The following DNAAF4 variants were observed in gnomAD, a reference collection of about 807,000 sequenced individuals.
DNAAF4 encodes dynein axonemal assembly factor 4.
In DNAAF4, 43 loss-of-function variants were observed where a neutral mutation model predicts 51.8. The observed-to-expected ratio is 0.83, with a 90% CI of 0.65 to 1.07. DNAAF4 has a LOEUF of 1.07. DNAAF4 is among the 50% of genes least tolerant of loss of function. DNAAF4 has a pLI of 0.00. For synonymous variants in DNAAF4, 194 were observed against 165.6 expected, an observed-to-expected ratio of 1.17 and a Z score of -1.32; for missense variants, 581 against 493.0, an observed-to-expected ratio of 1.18 and a Z score of -1.69.
intron 7 of DNAAF4, among the ~76,000 whole-genome samples, chr15:55,421,018 G>T (rs963699143): frequency 6.6e-6 from 1 of 151,578 alleles, no homozygotes; most frequent in South Asian, 2.1e-4. Context: ...ACAAAACCCC[G>T]TCTCTACTAA....
At chr15:55,477,282 T>C (rs577711746) in intron 4 of DNAAF4, among the ~76,000 whole-genome samples, 1 of 152,328 alleles carries the variant, frequency 6.6e-6, no homozygotes, top group South Asian at 2.1e-4. Flanking sequence ...TGTATGTTAG[T>C]TATATTTTAC....
At chr15:55,448,883 AATTATT>A (rs948737170) in intron 6 of DNAAF4, among the ~76,000 whole-genome samples, 11 of 151,132 alleles carry the variant, frequency 7.3e-5, no homozygotes, top group Admixed American at 6.0e-4. Flanking sequence ...AAATAATAAT[AATTATT>A]ATTATTATTA....
intron 4 of DNAAF4, among the ~76,000 whole-genome samples, chr15:55,473,502 C>T (rs1393557329): frequency 6.8e-6 from 1 of 148,046 alleles, no homozygotes; most frequent in Admixed American, 6.8e-5. Flanking sequence ...GTAACTTAAC[C>T]TAGGAAAATA....
intron 4 of DNAAF4, among the ~76,000 whole-genome samples, chr15:55,481,091 G>A (rs999049690): frequency 2.6e-5 from 4 of 152,186 alleles, no homozygotes; most frequent in Non-Finnish European, 4.4e-5. Context: ...AGTTTCCTGA[G>A]GCCTCCTTAG....
chr15:55,447,333 G>A (rs958391266), intron 6 of DNAAF4, among the ~76,000 whole-genome samples: 3 of 151,852 alleles, frequency 2.0e-5, no homozygotes, highest in Non-Finnish European at 4.4e-5. Context: ...CCCAGACGAT[G>A]GGCGGCCAGG....
Position 55,433,173 on chromosome 15 carries a change from A to T in DNAAF4, c.1048-571T>A, listed in dbSNP as rs1294166544. Among the ~76,000 whole-genome samples the T allele has an allele frequency of 2.6e-5, 4 of 152,146 alleles. No individual in the cohort carries two copies. In the East Asian group the frequency reaches 7.7e-4, roughly 29 times the overall value. ...AAACTAGCCAGATGTGGTAGCGGGC[A>T]CCTGTAATCCCAGCTACTCAGGAGG... On this transcript the variant is annotated intron_variant, in intron 8 of 9. Transcript: ENST00000321149.
intron 4 of DNAAF4, among the ~76,000 whole-genome samples, chr15:55,481,013 A>G (rs1323864368): frequency 6.6e-6 from 1 of 152,072 alleles, no homozygotes; most frequent in Non-Finnish European, 1.5e-5. Context: ...GTTTTATGGC[A>G]TTTCTCCTGC....
chr15:55,446,301 G>GT lies in DNAAF4; in HGVS notation c.783+3920_783+3921insA, dbSNP rs1555415283. Reference sequence around the variant, plus strand: ...GGCGCTCCTCACATCCCAGACGGGGGGGGGGGGCAGCTGGGCAGAGGCACT... The same window carrying GT: ...GGCGCTCCTCACATCCCAGACGGGGGTGGGGGGGCAGCTGGGCAGAGGCACT... On this transcript the variant is annotated intron_variant, in intron 6 of 9. Coordinates refer to ENST00000321149, the MANE Select transcript of DNAAF4 (RefSeq NM_130810.4). Among the ~76,000 whole-genome samples the GT allele has an allele frequency of 9.0e-5, 6 of 66,886 alleles. 1 individual carries two copies. Among genetic ancestry groups the GT allele is most frequent in the Admixed American group, 4.7e-4 (3 of 6,336 alleles). The allele number at this position is 66,886 out of a possible 152,430, so 43.9% of individuals were successfully genotyped here.
chr15:55,444,613 T>C (rs973220900), intron 6 of DNAAF4, among the ~76,000 whole-genome samples: 1 of 152,200 alleles, frequency 6.6e-6, no homozygotes, highest in Non-Finnish European at 1.5e-5. Context: ...GGGGATGGCA[T>C]TGAATCTATA....
At chr15:55,432,170 C>T (rs191534016) in intron 9 of DNAAF4, among the ~76,000 whole-genome samples, 4 of 151,868 alleles carry the variant, frequency 2.6e-5, no homozygotes, top group African/African-American at 4.8e-5. Context: ...AGGCTGGTCT[C>T]GAACTCCCGA....
At chr15:55,451,498 A>G (rs552905004) in intron 5 of DNAAF4, among the ~76,000 whole-genome samples, 2 of 152,368 alleles carry the variant, frequency 1.3e-5, no homozygotes, top group South Asian at 4.1e-4. Flanking sequence ...ACTCAAATAA[A>G]TGTTCCAGAA....
downstream of DNAAF4, among the ~76,000 whole-genome samples, chr15:55,429,544 C>T (rs558130944): frequency 2.1e-5 from 3 of 140,970 alleles, no homozygotes; most frequent in South Asian, 4.5e-4. Context: ...AAAGGCTGGG[C>T]GCGGTGGCTC....
At chr15:55,506,700 G>T (rs1056551473) in intron 1 of DNAAF4, among the ~76,000 whole-genome samples, 1 of 152,016 alleles carries the variant, frequency 6.6e-6, no homozygotes, top group East Asian at 1.9e-4. Flanking sequence ...TAAGCCAAAT[G>T]TCTTTCAACA....
At chr15:55,453,209 A>G (rs1340419790) in intron 5 of DNAAF4, among the ~76,000 whole-genome samples, 2 of 152,194 alleles carry the variant, frequency 1.3e-5, no homozygotes, top group African/African-American at 4.8e-5. Context: ...TGTCTCTTGT[A>G]AGAAATGGAA....
At chr15:55,501,609 T>A (rs1321219234) in intron 1 of DNAAF4, among the ~76,000 whole-genome samples, 2 of 151,232 alleles carry the variant, frequency 1.3e-5, no homozygotes, top group African/African-American at 4.9e-5. Context: ...TCTCCTGACC[T>A]CGTGATCAAC....
chr15:55,447,915 T>G (rs187327494), intron 6 of DNAAF4, among the ~76,000 whole-genome samples: 4 of 146,016 alleles, frequency 2.7e-5, no homozygotes, highest in African/African-American at 9.9e-5. Flanking sequence ...CCTGCCTGAC[T>G]GCCCTGGCCA....
intron 7 of DNAAF4, among the ~76,000 whole-genome samples, chr15:55,423,120 T>C (rs979223745): frequency 3.3e-5 from 5 of 150,842 alleles, no homozygotes; most frequent in Admixed American, 2.0e-4. Flanking sequence ...GTAGTTTTGC[T>C]GCACACTGAA....
chr15:55,424,103 A>G (rs897531278), intron 7 of DNAAF4, among the ~76,000 whole-genome samples: 1 of 152,106 alleles, frequency 6.6e-6, no homozygotes, highest in African/African-American at 2.4e-5. Context: ...CACAAAAGAG[A>G]CTATTAGGTC....
intron 1 of DNAAF4, among the ~76,000 whole-genome samples, chr15:55,501,151 C>G (rs2058695620): frequency 6.6e-6 from 1 of 150,956 alleles, no homozygotes; most frequent in Admixed American, 6.6e-5. Flanking sequence ...GCAACCTCCA[C>G]CTCCGGGGTT....
Sources: gnomAD v4.1 joint callset for allele counts (sites outside exome capture counted in the v4.1 genomes callset) on GRCh38, gnomAD v4.1.1 for gene constraint, MANE v1.5 for transcripts, NCBI Gene and HGNC (gene_info 2026-07-23, HGNC 2026-07-21) for gene names.